Variants in IL1RAPL2 observed in about 807,000 individuals in gnomAD.
The protein encoded by IL1RAPL2 is interleukin 1 receptor accessory protein like 2.
IL1RAPL2 carries 3 observed loss-of-function variants against 44.1 expected under a neutral mutation model. The observed-to-expected ratio is 0.07, with a 90% CI of 0.03 to 0.18. The LOEUF is 0.18. Among genes scored for constraint, IL1RAPL2 ranks in the 10% least tolerant of loss-of-function variants. The pLI, the probability that IL1RAPL2 is intolerant of heterozygous loss-of-function variation, is 1.00. For missense variants in IL1RAPL2, 391 were observed against 496.4 expected (o/e 0.79, Z 2.02); for synonymous variants, 181 against 178.8 (o/e 1.01, Z -0.10).
intron 2 of IL1RAPL2, among the ~76,000 whole-genome samples, chrX:104,935,370 T>C (rs192925638): frequency 8.3e-4 from 93 of 112,223 alleles, no homozygotes; most frequent in Non-Finnish European, 6.6e-4. Flanking sequence ...TTTTTTTTGG[T>C]TTTATAATCT....
chrX:104,751,750 T>A (rs769631709), intron 2 of IL1RAPL2, among the ~76,000 whole-genome samples: 1 of 111,357 alleles, frequency 9.0e-6, no homozygotes, highest in South Asian at 3.8e-4. Context: ...TGCATACTTA[T>A]TTTACATTTT....
At chrX:104,632,556 A>T (rs753751233) in intron 1 of IL1RAPL2, among the ~76,000 whole-genome samples, 116 of 108,682 alleles carry the variant, frequency 1.1e-3, no homozygotes, top group African/African-American at 3.6e-3. Flanking sequence ...GAGGTCCTTC[A>T]CATCCCTTGT....
chrX:105,176,735 T>C (rs964453481), intron 2 of IL1RAPL2, among the ~76,000 whole-genome samples: 1 of 110,222 alleles, frequency 9.1e-6, no homozygotes, highest in Non-Finnish European at 1.9e-5. Flanking sequence ...GGAGGAGTCC[T>C]CCCTCTTTCA....
At chrX:105,727,448 G>A (rs2038361429) in intron 7 of IL1RAPL2, among the ~76,000 whole-genome samples, 1 of 111,391 alleles carries the variant, frequency 9.0e-6, no homozygotes, top group South Asian at 3.7e-4. Context: ...GTAAATATTA[G>A]TACAATGTCT....
chrX:104,694,078 G>A (rs1161076359), intron 2 of IL1RAPL2, among the ~76,000 whole-genome samples: 4 of 111,819 alleles, frequency 3.6e-5, no homozygotes, highest in African/African-American at 9.7e-5. Flanking sequence ...GGAAAACATG[G>A]CACTTCTCGC....
chrX:104,809,344 C>G (rs1932952561), intron 2 of IL1RAPL2, among the ~76,000 whole-genome samples: 1 of 111,649 alleles, frequency 9.0e-6, no homozygotes, highest in African/African-American at 3.3e-5. Context: ...GTCCCACCAA[C>G]AGTGTAAAAG....
At chrX:105,331,467 A>G (rs985683707) in intron 5 of IL1RAPL2, among the ~76,000 whole-genome samples, 11 of 111,726 alleles carry the variant, frequency 9.8e-5, no homozygotes, top group African/African-American at 3.6e-4. Flanking sequence ...AGATTTCGTT[A>G]CCATGAACAT....
At chrX:105,005,930 A>G (rs960772367) in intron 2 of IL1RAPL2, among the ~76,000 whole-genome samples, 1 of 110,873 alleles carries the variant, frequency 9.0e-6, no homozygotes, top group Admixed American at 9.7e-5. Flanking sequence ...ACTCTCCAAA[A>G]GTAATAATTT....
intron 4 of IL1RAPL2, among the ~76,000 whole-genome samples, chrX:105,264,575 A>G (rs1456706323): frequency 9.0e-6 from 1 of 111,360 alleles, no homozygotes; most frequent in Non-Finnish European, 1.9e-5. Flanking sequence ...ATAGCCAACA[A>G]AGTAACTTTG....
At chrX:104,633,919 C>A (rs1215653375) in intron 1 of IL1RAPL2, among the ~76,000 whole-genome samples, 5 of 111,105 alleles carry the variant, frequency 4.5e-5, no homozygotes, top group Non-Finnish European at 9.4e-5. Context: ...TTTTCTAGTT[C>A]TTTTAATTGT....
chrX:104,942,900 A>T (rs1335114858), intron 2 of IL1RAPL2, among the ~76,000 whole-genome samples: 1 of 111,735 alleles, frequency 8.9e-6, no homozygotes, highest in Admixed American at 9.5e-5. Context: ...AGTTTTTAGC[A>T]TGAAGGGTGT....
In IL1RAPL2 at chrX:105,679,377, A is replaced by ATGAC. The variant is rs756501265; in HGVS notation, c.773-37988_773-37985dup. On this transcript the variant is annotated intron_variant, in intron 6 of 10. Transcript: ENST00000372582. ...TTCACTTTCAGAACAAGGTAAAATCATGACTTTCATACAGACACAAAAATT... is the reference window on the plus strand; with the variant it reads ...TTCACTTTCAGAACAAGGTAAAATCATGACTGACTTTCATACAGACACAAAAATT... 4.8e-4 allele frequency among the ~76,000 whole-genome samples: 54 copies of ATGAC among 112,302 alleles called. 1 individual carries two copies. The highest frequency in any genetic ancestry group is 1.7e-3 in the African/African-American group (54 of 31,040).
At chrX:104,982,017 T>TA (rs1017702257) in intron 2 of IL1RAPL2, among the ~76,000 whole-genome samples, 1 of 109,973 alleles carries the variant, frequency 9.1e-6, no homozygotes, top group African/African-American at 3.3e-5. Flanking sequence ...ATGGTAAAGA[T>TA]AAAAAAACTA....
intron 1 of IL1RAPL2, among the ~76,000 whole-genome samples, chrX:104,578,967 T>C (rs1928292731): frequency 8.9e-6 from 1 of 111,953 alleles, no homozygotes; most frequent in African/African-American, 3.2e-5. Flanking sequence ...CAACTGGTTA[T>C]TATCTTCTGT....
At chrX:105,599,656 G>GA (rs939447062) in intron 6 of IL1RAPL2, among the ~76,000 whole-genome samples, 2 of 111,415 alleles carry the variant, frequency 1.8e-5, no homozygotes, top group African/African-American at 6.5e-5. Flanking sequence ...CCACAAAGCA[G>GA]AAAACATCAA....
chrX:104,750,950 C>T (rs1003820217), intron 2 of IL1RAPL2, among the ~76,000 whole-genome samples: 9 of 110,695 alleles, frequency 8.1e-5, no homozygotes, highest in Admixed American at 2.9e-4. Context: ...TTTGATAAGT[C>T]GCCAGATTCA....
chrX:105,111,336 T>G (rs1445813903), intron 2 of IL1RAPL2, among the ~76,000 whole-genome samples: 1 of 112,055 alleles, frequency 8.9e-6, no homozygotes, highest in Admixed American at 9.4e-5. Flanking sequence ...AAAATTGTAT[T>G]GGAGAAGTCT....
At chrX:104,604,308 A>G (rs1049453967) in intron 1 of IL1RAPL2, among the ~76,000 whole-genome samples, 2 of 111,839 alleles carry the variant, frequency 1.8e-5, no homozygotes, top group African/African-American at 6.5e-5. Flanking sequence ...TGAAGGAAGC[A>G]CTAAACATGG....
At chrX:104,722,888 T>A (rs1931711029) in intron 2 of IL1RAPL2, among the ~76,000 whole-genome samples, 1 of 111,719 alleles carries the variant, frequency 9.0e-6, no homozygotes, top group African/African-American at 3.2e-5. Flanking sequence ...AGAGCATGCA[T>A]TCTAATGAAA....
Sources: gnomAD v4.1 joint callset for allele counts (sites outside exome capture counted in the v4.1 genomes callset) on GRCh38, gnomAD v4.1.1 for gene constraint, MANE v1.5 for transcripts, NCBI Gene and HGNC (gene_info 2026-07-23, HGNC 2026-07-21) for gene names.